The following LRRC7 variants were observed in gnomAD, a reference collection of about 807,000 sequenced individuals.
LRRC7 encodes leucine rich repeat containing 7, also known as leucine-rich repeat-containing protein 7.
In LRRC7, 23 loss-of-function variants were observed where a neutral mutation model predicts 175.7. The ratio of observed to expected loss-of-function variants is 0.13; its 90% confidence interval spans 0.09 to 0.19. The LOEUF (loss-of-function observed/expected upper bound fraction) is 0.19. Ranked by LOEUF, LRRC7 falls within the 10% of genes least tolerant of loss-of-function variation. LRRC7 has a pLI of 1.00. For synonymous variants in LRRC7, 685 were observed against 680.9 expected (o/e 1.01, Z -0.09); for missense variants, 1,354 against 1,904.7 (o/e 0.71, Z 5.38).
intron 7 of LRRC7, among the ~76,000 whole-genome samples, chr1:69,897,864 G>A (rs1369980901): frequency 6.6e-6 from 1 of 152,074 alleles, no homozygotes. Context: ...TTTATTCTGG[G>A]GAAACTTCTG....
chr1:69,858,202 C>A (rs1385356730), intron 7 of LRRC7, among the ~76,000 whole-genome samples: 1 of 152,088 alleles, frequency 6.6e-6, no homozygotes, highest in East Asian at 1.9e-4. Context: ...TAGGCATGGG[C>A]AAGGACTTCA....
intron 7 of LRRC7, among the ~76,000 whole-genome samples, chr1:69,885,604 G>C (rs1185677837): frequency 7.6e-6 from 1 of 131,574 alleles, no homozygotes; most frequent in African/African-American, 3.1e-5. Context: ...GGTTTTTTGT[G>C]TCTCTATTTC....
intron 1 of LRRC7, among the ~76,000 whole-genome samples, chr1:69,636,974 C>T (rs1195412029): frequency 6.6e-6 from 1 of 150,808 alleles, no homozygotes; most frequent in African/African-American, 2.4e-5. Context: ...CTCTAATTTT[C>T]TTCTCTCATA....
rs969458971 is a variant in LRRC7, at chr1:70,135,592, A to G, written c.*13705A>G. On this transcript the variant is annotated 3_prime_UTR_variant, in exon 27 of 27. Transcript: ENST00000651989. Reference sequence around the variant, plus strand: ...CGACTCCAAGGGTGCTGCTTGTCCAACTGTGTCACCTCCCTGACAAATAAG... The same window carrying G: ...CGACTCCAAGGGTGCTGCTTGTCCAGCTGTGTCACCTCCCTGACAAATAAG... Among the ~76,000 whole-genome samples, 1 of 152,082 alleles carries G rather than the reference A, an allele frequency of 6.6e-6. No homozygotes were observed. Among genetic ancestry groups the G allele is most frequent in the East Asian group, 1.9e-4 (1 of 5,194 alleles).
intron 10 of LRRC7, among the ~76,000 whole-genome samples, chr1:69,992,068 A>G (rs1424693386): frequency 6.6e-6 from 1 of 152,138 alleles, no homozygotes; most frequent in African/African-American, 2.4e-5. Flanking sequence ...TTTCTACCTT[A>G]CTTGCTGTGT....
At chr1:69,800,753 G>A (rs1676381052) in intron 4 of LRRC7, among the ~76,000 whole-genome samples, 1 of 151,786 alleles carries the variant, frequency 6.6e-6, no homozygotes, top group South Asian at 2.1e-4. Context: ...TGAATACTCT[G>A]GCTAGGACTT....
At chr1:69,808,995 T>C (rs942647650) in intron 4 of LRRC7, among the ~76,000 whole-genome samples, 2 of 152,002 alleles carry the variant, frequency 1.3e-5, no homozygotes, top group Non-Finnish European at 2.9e-5. Context: ...CAGGAGCTGG[T>C]TTTTTGAAAA....
Position 70,039,549 on chromosome 1 carries a change from G to C in LRRC7, c.3725G>C (p.Ser1242Thr). Reference sequence around the variant, plus strand: ...CAAAGGAGGCCATTGTCTGCGAGAAGCTACAGTACAGAGAGTTACGGTGCC... The same window carrying C: ...CAAAGGAGGCCATTGTCTGCGAGAACCTACAGTACAGAGAGTTACGGTGCC... ...LTQRRPLSAR[S>T]YSTESYGASQ... The change falls in exon 21 of 27, where the codon AGC (serine) becomes ACC (threonine). Residue 1242 changes from serine to threonine, a missense_variant. By Grantham distance (58) the Ser-to-Thr change is moderately conservative (BLOSUM62 1). Coordinates refer to ENST00000651989, the MANE Select transcript of LRRC7 (RefSeq NM_001370785.2). The C allele has an allele frequency of 6.2e-7, 1 of 1,614,152 alleles. No homozygotes were observed. Among genetic ancestry groups the C allele is most frequent in the Non-Finnish European group, 8.5e-7 (1 of 1,180,022 alleles).
intron 4 of LRRC7, among the ~76,000 whole-genome samples, chr1:69,825,424 C>T (rs1679793671): frequency 6.6e-6 from 1 of 152,070 alleles, no homozygotes; most frequent in Non-Finnish European, 1.5e-5. Flanking sequence ...AACTTAATAA[C>T]TTAAGCTATT....
chr1:70,113,016 G>C (rs1291347594), intron 26 of LRRC7, among the ~76,000 whole-genome samples: 1 of 152,132 alleles, frequency 6.6e-6, no homozygotes, highest in Non-Finnish European at 1.5e-5. Context: ...ACATGGAGAT[G>C]AGTTGGAGCG....
chr1:70,012,065 T>C (rs1656563816), intron 12 of LRRC7, 139 bp downstream of exon 12: 1 of 468,452 alleles, frequency 2.1e-6, no homozygotes, highest in Non-Finnish European at 3.6e-6. Flanking sequence ...ATATATTTGC[T>C]AATTATTCTA....
intron 1 of LRRC7, among the ~76,000 whole-genome samples, chr1:69,590,355 G>A (rs1455604264): frequency 6.6e-6 from 1 of 152,124 alleles, no homozygotes; most frequent in Non-Finnish European, 1.5e-5. Context: ...ATAGCACGTG[G>A]TAGGTGCTCA....
chr1:69,977,784 G>A (rs1255690934), intron 8 of LRRC7, among the ~76,000 whole-genome samples: 1 of 152,158 alleles, frequency 6.6e-6, no homozygotes, highest in Non-Finnish European at 1.5e-5. Flanking sequence ...AGATAATGGG[G>A]CAGAAACGCA....
At chr1:69,645,831 T>C (rs1197797316) in intron 1 of LRRC7, among the ~76,000 whole-genome samples, 2 of 152,084 alleles carry the variant, frequency 1.3e-5, no homozygotes, top group Non-Finnish European at 2.9e-5. Context: ...AATGTTCCAA[T>C]TGTTTTGGTT....
intron 3 of LRRC7, among the ~76,000 whole-genome samples, chr1:69,774,073 G>A (rs1408048040): frequency 6.6e-6 from 1 of 152,168 alleles, no homozygotes; most frequent in Non-Finnish European, 1.5e-5. Context: ...GTGACCCCTA[G>A]GTTTCTGCTA....
chr1:69,899,936 A>C (rs1453681792), intron 7 of LRRC7, among the ~76,000 whole-genome samples: 1 of 152,188 alleles, frequency 6.6e-6, no homozygotes, highest in Non-Finnish European at 1.5e-5. Flanking sequence ...TTTATAAATG[A>C]CCCAGTCCGT....
chr1:69,680,435 C>T lies in LRRC7; in HGVS notation c.100+1957C>T, dbSNP rs375259597. On this transcript the variant is annotated intron_variant, in intron 2 of 26. Coordinates refer to ENST00000651989, the MANE Select transcript of LRRC7 (RefSeq NM_001370785.2). ...TGCTTAACAAGGTACATGATATAAC[C>T]GTCACTTGTGTTATAAATTCTCATC... Among the ~76,000 whole-genome samples the T allele has an allele frequency of 4.3e-4, 66 of 152,142 alleles. 1 individual carries two copies. The South Asian group carries it at 0.012, about 27-fold the overall frequency.
chr1:69,788,174 T>C (rs1674707187), intron 3 of LRRC7, among the ~76,000 whole-genome samples: 1 of 152,118 alleles, frequency 6.6e-6, no homozygotes, highest in Non-Finnish European at 1.5e-5. Context: ...ATCCTTCCAC[T>C]TGCAATATCT....
At chr1:69,854,902 TG>T (rs1319919325) in intron 7 of LRRC7, among the ~76,000 whole-genome samples, 1 of 152,000 alleles carries the variant, frequency 6.6e-6, no homozygotes, top group Non-Finnish European at 1.5e-5. Context: ...CATGGCGAAG[TG>T]GGGGGGACCT....
Sources: allele counts gnomAD v4.1 joint callset (sites outside exome capture counted in the v4.1 genomes callset), GRCh38; gene constraint gnomAD v4.1.1; transcripts MANE v1.5; gene names NCBI Gene and HGNC (gene_info 2026-07-23, HGNC 2026-07-21).